Variants in TMEM123 observed in about 807,000 individuals in gnomAD.
The protein encoded by TMEM123 is transmembrane protein 123, also known as porimin.
Under a neutral mutation model 19.7 loss-of-function variants are expected in TMEM123, and 16 were observed. The ratio of observed to expected loss-of-function variants is 0.81; its 90% confidence interval spans 0.55 to 1.23. The LOEUF (loss-of-function observed/expected upper bound fraction) is 1.23, where lower values mean the gene tolerates loss of function less well. Among genes scored for constraint, TMEM123 ranks in the 50% most tolerant of loss-of-function variants. TMEM123 has a pLI of 0.00. For missense variants in TMEM123, 313 were observed against 257.8 expected, an observed-to-expected ratio of 1.21 and a Z score of -1.47; for synonymous variants, 118 against 99.4, an observed-to-expected ratio of 1.19 and a Z score of -1.12.
intron 2 of TMEM123, among the ~76,000 whole-genome samples, chr11:102,434,992 T>C (rs186566696): frequency 4.9e-4 from 75 of 151,946 alleles, no homozygotes; most frequent in African/African-American, 1.7e-3. Context: ...TACAATAGCT[T>C]TGTGGTGGAA....
chr11:102,402,018 G>T lies in TMEM123; in HGVS notation c.346C>A (p.Pro116Thr). 1 of 1,614,162 alleles carries T rather than the reference G, an allele frequency of 6.2e-7. No homozygotes were observed. Among genetic ancestry groups the T allele is most frequent in the Non-Finnish European group, 8.5e-7 (1 of 1,180,038 alleles). ...NMTSTTLKST[P>T]KTTSVSQNTS... ...TTCTGTGAAACACTTGTTGTTTTGG[G>T]TGTAGACTTTAAGGTGGTAGAAGTC... is the stretch of plus-strand genomic sequence containing the variant. Residue 116 changes from proline (P) to threonine (T), a missense_variant, in exon 3 of 5, where the codon CCC becomes ACC. Transcript: ENST00000398136.
chr11:102,441,452 A>C (rs1183795780), intron 2 of TMEM123, among the ~76,000 whole-genome samples: 15 of 152,240 alleles, frequency 9.9e-5, no homozygotes, highest in Non-Finnish European at 1.5e-5. Context: ...TACTGGGTAC[A>C]TAACAAAATG....
chr11:102,427,090 CT>C (rs1290278810), intron 2 of TMEM123, among the ~76,000 whole-genome samples: 1 of 147,148 alleles, frequency 6.8e-6, no homozygotes, highest in East Asian at 2.0e-4. Context: ...TGCTGGTTCT[CT>C]TTTTCACAAT....
intron 2 of TMEM123, among the ~76,000 whole-genome samples, chr11:102,418,866 G>T (rs1275465158): frequency 6.6e-6 from 1 of 152,168 alleles, no homozygotes; most frequent in Non-Finnish European, 1.5e-5. Flanking sequence ...CAGCAACACG[G>T]ATGCAGCTGG....
At chr11:102,443,652 TA>T (rs1249161662) in intron 2 of TMEM123, among the ~76,000 whole-genome samples, 1 of 152,078 alleles carries the variant, frequency 6.6e-6, no homozygotes, top group East Asian at 1.9e-4. Context: ...ACTTCATGAC[TA>T]AAACACCAAA....
chr11:102,427,142 C>T (rs151146797), intron 2 of TMEM123, among the ~76,000 whole-genome samples: 3 of 151,028 alleles, frequency 2.0e-5, no homozygotes, highest in Non-Finnish European at 2.9e-5. Flanking sequence ...TCTTTATCCT[C>T]CATATCTAGC....
intron 1 of TMEM123, among the ~76,000 whole-genome samples, chr11:102,451,728 A>C (rs12799526): frequency 6.6e-6 from 1 of 152,262 alleles, no homozygotes; most frequent in Non-Finnish European, 1.5e-5. Flanking sequence ...TGAAGTCTCC[A>C]AAGGGCCAAG....
chr11:102,438,105 G>A (rs903294321), intron 2 of TMEM123, among the ~76,000 whole-genome samples: 4 of 152,188 alleles, frequency 2.6e-5, no homozygotes, highest in Non-Finnish European at 4.4e-5. Context: ...CCAGGCTGGA[G>A]TGCAGTGGCA....
intron 2 of TMEM123, among the ~76,000 whole-genome samples, chr11:102,402,702 C>G (rs932120558): frequency 6.6e-6 from 1 of 152,122 alleles, no homozygotes; most frequent in East Asian, 1.9e-4. Context: ...ATGGGAAGTC[C>G]AAGTGAGTTA....
At chr11:102,412,243 C>G (rs765996398) in intron 2 of TMEM123, among the ~76,000 whole-genome samples, 3 of 152,102 alleles carry the variant, frequency 2.0e-5, no homozygotes, top group Non-Finnish European at 2.9e-5. Flanking sequence ...CCAGCCTGAC[C>G]CAACATGGTG....
chr11:102,414,840 A>G (rs1244391195), intron 2 of TMEM123, among the ~76,000 whole-genome samples: 1 of 152,238 alleles, frequency 6.6e-6, no homozygotes, highest in East Asian at 1.9e-4. Context: ...TCACATCCAC[A>G]CATATCAATG....
At position 102,423,404 on chromosome 11, in the gene TMEM123, C is replaced by T. The variant is rs1359002740; in HGVS notation, c.158-21198G>A. Among the ~76,000 whole-genome samples, 14 of 152,266 alleles carry T rather than the reference C, an allele frequency of 9.2e-5. No homozygotes were observed. In the South Asian group the frequency reaches 1.4e-3, roughly 16 times the overall value. On this transcript the variant is annotated intron_variant, in intron 2 of 4. Coordinates refer to ENST00000398136, the MANE Select transcript of TMEM123 (RefSeq NM_052932.3). ...GCTCCCTCCCAGCTCCCTTTAAAGTCCACTCCCTTTTAGGGAAGCCTGGCA... is the reference window on the plus strand; with the variant it reads ...GCTCCCTCCCAGCTCCCTTTAAAGTTCACTCCCTTTTAGGGAAGCCTGGCA...
Position 102,398,203 on chromosome 11 carries a change from G to GT in TMEM123, c.*663_*664insA, listed in dbSNP as rs1951877910. 5.9e-6 allele frequency: 1 copy of GT among 168,936 alleles called. No homozygotes were observed. Among genetic ancestry groups the GT allele is most frequent in the Non-Finnish European group, 1.3e-5 (1 of 79,606 alleles). 10.5% of individuals were successfully genotyped at this position (168,936 alleles called of 1,614,324 possible). A position where few individuals can be genotyped will look rare whatever the true frequency, so the allele number is the denominator to read the frequency against. On this transcript the variant is annotated 3_prime_UTR_variant, in exon 5 of 5. Coordinates refer to ENST00000398136, the MANE Select transcript of TMEM123 (RefSeq NM_052932.3). ...TTACATCAACATTGAAAGCTCAAAA[G>GT]AAGTTAATAAAAATATGTGCTCCTT...
chr11:102,414,339 G>T (rs1327303920), intron 2 of TMEM123, among the ~76,000 whole-genome samples: 2 of 152,074 alleles, frequency 1.3e-5, no homozygotes, highest in African/African-American at 2.4e-5. Context: ...TCAAATTCAG[G>T]AAACTCAGAA....
intron 2 of TMEM123, among the ~76,000 whole-genome samples, chr11:102,436,165 T>G (rs1326779870): frequency 6.6e-6 from 1 of 151,926 alleles, no homozygotes; most frequent in Admixed American, 6.6e-5. Context: ...TCCTTATTTT[T>G]TATTTATTTT....
At chr11:102,409,209 A>G (rs1183499457) in intron 2 of TMEM123, among the ~76,000 whole-genome samples, 1 of 152,182 alleles carries the variant, frequency 6.6e-6, no homozygotes, top group Non-Finnish European at 1.5e-5. Flanking sequence ...TATAGTTGTC[A>G]AAAGTACTAA....
chr11:102,424,533 C>G (rs1413699389), intron 2 of TMEM123, among the ~76,000 whole-genome samples: 4 of 151,934 alleles, frequency 2.6e-5, no homozygotes, highest in Non-Finnish European at 5.9e-5. Context: ...CTAAAAAATA[C>G]AAAAAATTAG....
chr11:102,398,421 T>G lies in TMEM123; in HGVS notation c.*446A>C. 1 of 397,236 alleles carries G rather than the reference T, an allele frequency of 2.5e-6. No individual in the cohort carries two copies. The highest frequency in any genetic ancestry group is 4.4e-6 in the Non-Finnish European group (1 of 225,732). 24.6% of individuals were successfully genotyped at this position (397,236 alleles called of 1,614,324 possible). ...TATAATTTCTGTGTGGCATTAGTAA[T>G]TAAGATATATCCAGCTCTGAAAAGC... is the stretch of plus-strand genomic sequence containing the variant. On this transcript the variant is annotated 3_prime_UTR_variant, in exon 5 of 5. Transcript: ENST00000398136.
chr11:102,442,559 G>T (rs1001107882), intron 2 of TMEM123, among the ~76,000 whole-genome samples: 1 of 152,064 alleles, frequency 6.6e-6, no homozygotes, highest in African/African-American at 2.4e-5. Context: ...AATAATAAGA[G>T]CTATTTATGA....
Sources: allele counts gnomAD v4.1 joint callset (sites outside exome capture counted in the v4.1 genomes callset), GRCh38; gene constraint gnomAD v4.1.1; transcripts MANE v1.5; gene names NCBI Gene and HGNC (gene_info 2026-07-23, HGNC 2026-07-21).